PTGR3: variants seen among roughly 807,000 people sequenced by gnomAD.
PTGR3 encodes the protein prostaglandin reductase 3.
chr18:75,208,248 C>T, the PTGR3 span: 1 of 898,286 alleles, frequency 1.1e-6, no homozygotes, highest in Non-Finnish European at 1.3e-6. Flanking sequence ...CGGTCGTTAA[C>T]ACTCAGGGGA....
the PTGR3 span, chr18:75,201,277 G>C: frequency 2.8e-6 from 2 of 709,146 alleles, no homozygotes; most frequent in East Asian, 2.8e-5. Context: ...AGGAGAAGGA[G>C]AGACCTATTC....
At chr18:75,205,923 T>C in the PTGR3 span, among the ~76,000 whole-genome samples, 38 of 152,130 alleles carry the variant, frequency 2.5e-4, no homozygotes, top group African/African-American at 7.5e-4. Flanking sequence ...CCCTTAGCCA[T>C]TCCTACAAAC....
At chr18:75,201,883 T>A in the PTGR3 span, 1 of 1,614,218 alleles carries the variant, frequency 6.2e-7, no homozygotes, top group Non-Finnish European at 8.5e-7. Flanking sequence ...GTTTTATAGT[T>A]GATAGGACGA....
At chr18:75,200,405 A>C in the PTGR3 span, 1 of 152,230 alleles carries the variant, frequency 6.6e-6, no homozygotes. Context: ...CTGTTTCCAG[A>C]ATCAGAGGTA....
the PTGR3 span, chr18:75,197,993 A>G: frequency 2.6e-5 from 4 of 151,976 alleles, no homozygotes; most frequent in African/African-American, 9.7e-5. Flanking sequence ...TCCACATGGT[A>G]AAGTAATCAA....
the PTGR3 span, chr18:75,208,732 G>A: frequency 1.9e-6 from 2 of 1,047,564 alleles, no homozygotes; most frequent in African/African-American, 1.7e-5. Context: ...CAGGCTGTGC[G>A]CCCGAGCGCG....
the PTGR3 span, chr18:75,208,911 T>C: frequency 1.3e-6 from 2 of 1,575,758 alleles, no homozygotes; most frequent in African/African-American, 1.4e-5. Context: ...CGGCTCAGGG[T>C]GACGGCCTCG....
chr18:75,208,871 C>T, the PTGR3 span: 104 of 1,528,098 alleles, frequency 6.8e-5, no homozygotes, highest in Non-Finnish European at 7.6e-5. Context: ...GAGGAGGTCT[C>T]CGTCCCCGGG....
At chr18:75,201,527 G>T in the PTGR3 span, 4 of 1,614,094 alleles carry the variant, frequency 2.5e-6, no homozygotes, top group Admixed American at 6.7e-5. Flanking sequence ...CAGTAAACCT[G>T]CCCTCTGGAG....
the PTGR3 span, chr18:75,200,452 G>A: frequency 6.6e-6 from 1 of 152,222 alleles, no homozygotes; most frequent in Non-Finnish European, 1.5e-5. Context: ...CTAAGGAGAA[G>A]CAAATGTATT....
At chr18:75,199,461 C>A in the PTGR3 span, 1 of 152,254 alleles carries the variant, frequency 6.6e-6, no homozygotes, top group East Asian at 1.9e-4. Context: ...TAATAATATT[C>A]TTTGATTAGA....
chr18:75,206,041 AT>A, the PTGR3 span, among the ~76,000 whole-genome samples: 1 of 152,240 alleles, frequency 6.6e-6, no homozygotes, highest in Non-Finnish European at 1.5e-5. Flanking sequence ...GCATAAACTG[AT>A]TTAACCTGGG....
chr18:75,208,610 C>T, the PTGR3 span: 6 of 860,736 alleles, frequency 7.0e-6, no homozygotes, highest in Non-Finnish European at 8.9e-6. Context: ...ATTAAAATAA[C>T]CCTCAGTTAT....
the PTGR3 span, among the ~76,000 whole-genome samples, chr18:75,207,336 A>G: frequency 5.2e-4 from 79 of 152,228 alleles, no homozygotes; most frequent in African/African-American, 1.6e-3. Flanking sequence ...AAAGGGAAAA[A>G]CCCTGTGTGG....
chr18:75,201,631 G>C, the PTGR3 span: 1 of 1,614,204 alleles, frequency 6.2e-7, no homozygotes, highest in Non-Finnish European at 8.5e-7. Flanking sequence ...GAAAGGTAAT[G>C]GTTCAGGAAG....
the PTGR3 span, chr18:75,201,781 CA>C: frequency 6.2e-7 from 1 of 1,614,220 alleles, no homozygotes; most frequent in Non-Finnish European, 8.5e-7. Flanking sequence ...AGGGCGTCTA[CA>C]GCCAAGTCAA....
At chr18:75,199,246 T>C in the PTGR3 span, 1 of 152,632 alleles carries the variant, frequency 6.6e-6, no homozygotes, top group African/African-American at 2.4e-5. Flanking sequence ...ATCCATCAGT[T>C]AAAATGTTGG....
At chr18:75,200,182 G>A in the PTGR3 span, 4 of 152,174 alleles carry the variant, frequency 2.6e-5, no homozygotes, top group East Asian at 1.9e-4. Flanking sequence ...TCAGCGCAAC[G>A]GTGACAGCGG....
the PTGR3 span, chr18:75,209,115 G>A: frequency 6.4e-5 from 88 of 1,369,292 alleles, no homozygotes; most frequent in African/African-American, 1.2e-3. This position sits in a 1 kb window ranked among gnomAD's most constrained non-coding sequence, Gnocchi z 4.7. Flanking sequence ...GCCCCCGCCC[G>A]GGCCGCTCGG....
Sources: allele counts gnomAD v4.1 joint callset (sites outside exome capture counted in the v4.1 genomes callset), GRCh38; gene constraint gnomAD v4.1.1; non-coding constraint Gnocchi (gnomAD v3.1); transcripts MANE v1.5; gene names NCBI Gene and HGNC (gene_info 2026-07-23, HGNC 2026-07-21).